The following CPEB3 variants were observed in gnomAD, a reference collection of about 807,000 sequenced individuals.
CPEB3 encodes the protein cytoplasmic polyadenylation element-binding protein 3.
CPEB3 carries 20 observed loss-of-function variants against 67.2 expected under a neutral mutation model. The observed-to-expected ratio is 0.30, with a 90% CI of 0.21 to 0.43. The LOEUF is 0.43. Ranked by LOEUF, CPEB3 falls within the 20% of genes least tolerant of loss-of-function variation. The pLI is 1.00. For synonymous variants in CPEB3, 376 were observed against 393.1 expected (o/e 0.96, Z 0.51); for missense variants, 746 against 968.6 (o/e 0.77, Z 3.05).
intron 5 of CPEB3, 86 bp downstream of exon 5, chr10:92,144,859 A>G (rs1846604015): frequency 4.0e-6 from 5 of 1,237,666 alleles, no homozygotes; most frequent in African/African-American, 1.5e-5. Flanking sequence ...TAGATGTCCT[A>G]AAGTTGACTT....
At chr10:92,138,676 T>C (rs920625652) in intron 6 of CPEB3, among the ~76,000 whole-genome samples, 2 of 152,182 alleles carry the variant, frequency 1.3e-5, no homozygotes, top group African/African-American at 4.8e-5. Flanking sequence ...AAAATGGTTT[T>C]TATCCAAAAG....
rs1034747440 is a variant in CPEB3 at position 92,239,223 on chromosome 10, G to C, written c.1005+123C>G. On this transcript the variant is annotated intron_variant, in intron 2 of 9. Transcript: ENST00000265997. The surrounding 1 kb of genome is among the most constrained non-coding windows in gnomAD (Gnocchi z 6.0). ...CCTAAAGAACTGGAGGCTTCGGAAGGGGAAAGAGGAGCTGGACATTGCTGC... is the reference window on the plus strand; with the variant it reads ...CCTAAAGAACTGGAGGCTTCGGAAGCGGAAAGAGGAGCTGGACATTGCTGC... 1.8e-6 allele frequency: 2 copies of C among 1,087,032 alleles called. No homozygotes were observed. Among genetic ancestry groups the C allele is most frequent in the Non-Finnish European group, 2.6e-6 (2 of 759,198 alleles). The allele number at this position is 1,087,032 out of a possible 1,614,324, so 67.3% of individuals were successfully genotyped here. A position where few individuals can be genotyped will look rare whatever the true frequency, so the allele number is the denominator to read the frequency against.
intron 2 of CPEB3, among the ~76,000 whole-genome samples, chr10:92,217,849 A>G (rs1288540395): frequency 1.3e-5 from 2 of 152,194 alleles, no homozygotes; most frequent in East Asian, 3.8e-4. Flanking sequence ...AAAATCAAAG[A>G]GGTCAGGCCT....
At chr10:92,264,703 G>A (rs1157447690) in intron 1 of CPEB3, among the ~76,000 whole-genome samples, 9 of 147,408 alleles carry the variant, frequency 6.1e-5, no homozygotes, top group East Asian at 2.0e-4. Context: ...GTGACAGAGC[G>A]AGACTCCGTC....
At chr10:92,284,646 T>C (rs943461085) in intron 1 of CPEB3, among the ~76,000 whole-genome samples, 7 of 152,122 alleles carry the variant, frequency 4.6e-5, no homozygotes, top group African/African-American at 1.7e-4. Context: ...AGAGAAACTT[T>C]CCATGACCTC....
chr10:92,277,885 T>G (rs895148896), intron 1 of CPEB3, among the ~76,000 whole-genome samples: 2 of 141,818 alleles, frequency 1.4e-5, no homozygotes, highest in African/African-American at 5.3e-5. Context: ...AGCAAGACTC[T>G]GTCTTAAAAA....
At chr10:92,108,837 A>C (rs1022193437) in intron 7 of CPEB3, among the ~76,000 whole-genome samples, 4 of 152,198 alleles carry the variant, frequency 2.6e-5, no homozygotes, top group South Asian at 2.1e-4. Flanking sequence ...AGGATAATAC[A>C]TGTGTTTCTA....
chr10:92,178,398 A>G (rs1353084890), intron 4 of CPEB3, among the ~76,000 whole-genome samples: 2 of 152,122 alleles, frequency 1.3e-5, no homozygotes, highest in African/African-American at 4.8e-5. Context: ...ACCTCAAGTG[A>G]TCTGCCCACC....
chr10:92,084,415 C>G (rs528254215), intron 8 of CPEB3, among the ~76,000 whole-genome samples: 1 of 151,962 alleles, frequency 6.6e-6, no homozygotes, highest in Admixed American at 6.6e-5. Flanking sequence ...TTTTGGCCAC[C>G]AAAAAGTCTG....
chr10:92,241,601 T>C (rs559873145), intron 1 of CPEB3, among the ~76,000 whole-genome samples: 87 of 152,318 alleles, frequency 5.7e-4, no homozygotes, highest in South Asian at 3.5e-3. Flanking sequence ...CTGCTTCATT[T>C]AGCCATATAA....
In CPEB3 at chr10:92,239,887, A is replaced by C; in HGVS notation, c.464T>G (p.Ile155Ser). ...PVFGGTFSPQ[I>S]GLAQTQHHQQ... ...GTGGTGCTGGGTCTGCGCCAGGCCG[A>C]TCTGCGGGGAGAAAGTGCCTCCGAA... The change falls in exon 2 of 10, where the codon ATC (isoleucine) becomes AGC (serine). Residue 155 changes from isoleucine to serine, a missense_variant. Coordinates refer to ENST00000265997, the MANE Select transcript of CPEB3 (RefSeq NM_014912.5). This position sits in a 1 kb window ranked among gnomAD's most constrained non-coding sequence, Gnocchi z 6.0. The C allele has an allele frequency of 6.2e-7, 1 of 1,610,348 alleles. No individual in the cohort carries two copies. The highest frequency in any genetic ancestry group is 8.5e-7 in the Non-Finnish European group (1 of 1,178,606).
chr10:92,084,468 T>C (rs1409136119), intron 8 of CPEB3, among the ~76,000 whole-genome samples: 1 of 152,190 alleles, frequency 6.6e-6, no homozygotes, highest in Middle Eastern at 3.2e-3. Context: ...TGAAGGGCAA[T>C]TTGTTGAGAA....
chr10:92,135,867 T>A (rs1358202082), intron 6 of CPEB3, among the ~76,000 whole-genome samples: 4 of 152,130 alleles, frequency 2.6e-5, no homozygotes, highest in Admixed American at 6.5e-5. Context: ...TGTAGGGACA[T>A]GGATGCAGCT....
intron 2 of CPEB3, among the ~76,000 whole-genome samples, chr10:92,205,813 G>C (rs1455233031): frequency 1.3e-5 from 2 of 151,876 alleles, no homozygotes; most frequent in Non-Finnish European, 2.9e-5. Flanking sequence ...CCTTGAAGAA[G>C]GCCAACTACA....
intron 9 of CPEB3, among the ~76,000 whole-genome samples, chr10:92,066,926 G>A (rs1312170924): frequency 1.3e-5 from 2 of 151,912 alleles, no homozygotes; most frequent in Non-Finnish European, 2.9e-5. Flanking sequence ...GTAGGTGCCT[G>A]TAATCCCAGC....
intron 4 of CPEB3, among the ~76,000 whole-genome samples, chr10:92,153,964 T>A (rs1208650243): frequency 6.6e-6 from 1 of 152,086 alleles, no homozygotes; most frequent in African/African-American, 2.4e-5. Context: ...TCATTTGCAT[T>A]GTTAAAAGGA....
At chr10:92,270,689 A>G (rs1243784704) in intron 1 of CPEB3, among the ~76,000 whole-genome samples, 1 of 151,282 alleles carries the variant, frequency 6.6e-6, no homozygotes, top group Non-Finnish European at 1.5e-5. Context: ...CAGCCTCCCA[A>G]GTAGCTGGGA....
intron 8 of CPEB3, among the ~76,000 whole-genome samples, chr10:92,083,387 C>G (rs756697630): frequency 7.2e-5 from 11 of 152,198 alleles, no homozygotes; most frequent in Non-Finnish European, 1.5e-4. Flanking sequence ...AGTCTTGGGG[C>G]AGGATCCAGG....
intron 4 of CPEB3, among the ~76,000 whole-genome samples, chr10:92,156,813 T>C (rs1372260632): frequency 6.6e-6 from 1 of 152,204 alleles, no homozygotes; most frequent in Non-Finnish European, 1.5e-5. Flanking sequence ...GCAAAAGGAC[T>C]GTATGATCCA....
Sources: allele counts gnomAD v4.1 joint callset (sites outside exome capture counted in the v4.1 genomes callset), GRCh38; gene constraint gnomAD v4.1.1; non-coding constraint Gnocchi (gnomAD v3.1); transcripts MANE v1.5; gene names NCBI Gene and HGNC (gene_info 2026-07-23, HGNC 2026-07-21).